The following PRKAR1B variants were observed in gnomAD, a reference collection of about 807,000 sequenced individuals.
The protein encoded by PRKAR1B is protein kinase cAMP-dependent type I regulatory subunit beta, also known as cAMP-dependent protein kinase type I-beta regulatory subunit.
Under a neutral mutation model 46.5 loss-of-function variants are expected in PRKAR1B, and 22 were observed. The ratio of observed to expected loss-of-function variants is 0.47; its 90% CI spans 0.34 to 0.68. PRKAR1B has a LOEUF of 0.68. Among genes scored for constraint, PRKAR1B ranks in the 30% least tolerant of loss-of-function variants. The probability of loss-of-function intolerance (pLI) is 0.01; values close to 1 mark genes in which losing one functional copy is unlikely to be tolerated. For missense variants in PRKAR1B, 445 were observed against 535.6 expected (o/e 0.83, Z 1.67); for synonymous variants, 259 against 217.7 (o/e 1.19, Z -1.67).
At chr7:688,893 C>T (rs190689051) in intron 2 of PRKAR1B, among the ~76,000 whole-genome samples, 196 of 152,268 alleles carry the variant, frequency 1.3e-3, no homozygotes, top group African/African-American at 2.5e-3. Flanking sequence ...CTTAAAACAG[C>T]GCCTGCATAC....
intron 4 of PRKAR1B, among the ~76,000 whole-genome samples, chr7:625,499 C>T (rs955147770): frequency 5.9e-5 from 9 of 152,004 alleles, no homozygotes; most frequent in African/African-American, 2.2e-4. Context: ...AAAGAAGGGA[C>T]ATCACTACAG....
At chr7:574,607 C>A (rs1258548298) in intron 9 of PRKAR1B, among the ~76,000 whole-genome samples, 1 of 152,178 alleles carries the variant, frequency 6.6e-6, no homozygotes, top group Non-Finnish European at 1.5e-5. Flanking sequence ...CCACACCCGG[C>A]TAATTTTTGT....
chr7:725,667 G>C (rs559641048), intron 1 of PRKAR1B, among the ~76,000 whole-genome samples: 1 of 152,330 alleles, frequency 6.6e-6, no homozygotes, highest in African/African-American at 2.4e-5. Context: ...GGACCAGAAT[G>C]CTTTTGTAAG....
At chr7:685,331 TATATAC>T (rs1779005355) in intron 2 of PRKAR1B, among the ~76,000 whole-genome samples, 1 of 91,016 alleles carries the variant, frequency 1.1e-5, no homozygotes, top group Non-Finnish European at 2.1e-5. Flanking sequence ...TATATACGTA[TATATAC>T]GTATATATAT....
chr7:709,495 T>C lies in PRKAR1B; in HGVS notation c.177+1834A>G, dbSNP rs944921775. On this transcript the variant is annotated intron_variant, in intron 2 of 10. Coordinates refer to ENST00000537384, the MANE Select transcript of PRKAR1B (RefSeq NM_001164760.2). ...ACGCCATTCTCCTGCCTCAGCCTCC[T>C]GAGTAGCTGGGACTACAGGCGCCTG... Among the ~76,000 whole-genome samples the C allele has an allele frequency of 2.0e-5, 3 of 151,578 alleles. 1 individual carries two copies. Among genetic ancestry groups the C allele is most frequent in the Non-Finnish European group, 4.4e-5 (3 of 67,910 alleles).
intron 2 of PRKAR1B, among the ~76,000 whole-genome samples, chr7:684,099 CACGTGCACCAATGCCCACCTCT>C (rs1381807314): frequency 1.3e-5 from 2 of 151,802 alleles, no homozygotes; most frequent in African/African-American, 4.8e-5. Context: ...TGCCCACCTC[CACGTGCACCAATGCCCACCTCT>C]ACGTGTGTGC....
intron 4 of PRKAR1B, among the ~76,000 whole-genome samples, chr7:616,565 C>T (rs958596062): frequency 2.0e-5 from 3 of 152,228 alleles, no homozygotes; most frequent in African/African-American, 2.4e-5. Context: ...CCCAGAAGCA[C>T]GCTCCACCCA....
intron 2 of PRKAR1B, among the ~76,000 whole-genome samples, chr7:681,739 C>G (rs1327637031): frequency 1.3e-5 from 2 of 152,244 alleles, no homozygotes; most frequent in Non-Finnish European, 2.9e-5. Flanking sequence ...CTCCTGCCCA[C>G]AGACAAGTGC....
At chr7:719,075 C>T (rs1780984738) in intron 1 of PRKAR1B, among the ~76,000 whole-genome samples, 1 of 151,652 alleles carries the variant, frequency 6.6e-6, no homozygotes, top group Non-Finnish European at 1.5e-5. Context: ...GAGTCTTGCT[C>T]TGTCACCAGG....
At chr7:685,728 G>A (rs1779059639) in intron 2 of PRKAR1B, among the ~76,000 whole-genome samples, 1 of 151,916 alleles carries the variant, frequency 6.6e-6, no homozygotes, top group Admixed American at 6.6e-5. Flanking sequence ...CCAACATTCT[G>A]AAGGAAACTT....
intron 1 of PRKAR1B, among the ~76,000 whole-genome samples, chr7:718,346 A>C (rs987142207): frequency 1.7e-4 from 25 of 147,844 alleles, no homozygotes; most frequent in African/African-American, 5.2e-4. Flanking sequence ...ATATATATAT[A>C]TCTCCTCCTG....
At chr7:575,649 G>A (rs1297258881) in intron 9 of PRKAR1B, among the ~76,000 whole-genome samples, 4 of 152,080 alleles carry the variant, frequency 2.6e-5, no homozygotes, top group Admixed American at 1.3e-4. Context: ...GAGCTCAAGC[G>A]ATCCTCCCGC....
intron 10 of PRKAR1B, 25 bp from the exon 11 acceptor site, chr7:550,627 G>T (rs1404358655): frequency 1.3e-6 from 2 of 1,517,784 alleles, no homozygotes; most frequent in Non-Finnish European, 8.8e-7. Flanking sequence ...GAGAGGTCAG[G>T]GCTGGGCCTG....
At chr7:572,492 G>A (rs1414226535) in intron 9 of PRKAR1B, among the ~76,000 whole-genome samples, 4 of 152,112 alleles carry the variant, frequency 2.6e-5, no homozygotes, top group East Asian at 1.9e-4. Flanking sequence ...CCTCCATGGC[G>A]CCCAGCTCAG....
intron 2 of PRKAR1B, among the ~76,000 whole-genome samples, chr7:706,454 C>T (rs549009500): frequency 1.9e-4 from 9 of 48,274 alleles, no homozygotes; most frequent in Non-Finnish European, 2.4e-4. Context: ...GACGGAGTCT[C>T]GCTCTATCAC....
chr7:579,498 G>A (rs1056256687), intron 8 of PRKAR1B, 121 bp from the exon 9 acceptor site: 127 of 1,270,888 alleles, frequency 1.0e-4, no homozygotes, highest in Middle Eastern at 8.9e-4. Context: ...CACCAGCTCC[G>A]TGACCAGTAA....
intron 2 of PRKAR1B, among the ~76,000 whole-genome samples, chr7:699,188 T>C (rs1369444526): frequency 6.6e-6 from 1 of 152,226 alleles, no homozygotes; most frequent in Non-Finnish European, 1.5e-5. Flanking sequence ...CCCAGCTCCA[T>C]GACTCTCCCT....
intron 4 of PRKAR1B, among the ~76,000 whole-genome samples, chr7:619,168 G>C (rs992042035): frequency 1.2e-4 from 19 of 152,170 alleles, no homozygotes; most frequent in Admixed American, 2.0e-4. Flanking sequence ...TCCACGCAGA[G>C]CGAAGAGTCG....
At chr7:672,283 T>C (rs1354333820) in intron 4 of PRKAR1B, among the ~76,000 whole-genome samples, 2 of 151,992 alleles carry the variant, frequency 1.3e-5, no homozygotes, top group African/African-American at 2.4e-5. Flanking sequence ...CCTGAGTAGC[T>C]GGGATTACAG....
Sources: allele counts gnomAD v4.1 joint callset (sites outside exome capture counted in the v4.1 genomes callset), GRCh38; gene constraint gnomAD v4.1.1; transcripts MANE v1.5; gene names NCBI Gene and HGNC (gene_info 2026-07-23, HGNC 2026-07-21).